LPAR1: variants seen among roughly 807,000 people sequenced by gnomAD.
LPAR1 encodes the protein lysophosphatidic acid receptor 1.
A neutral mutation model predicts 23.8 loss-of-function variants in LPAR1; 5 were observed. The ratio of observed to expected loss-of-function variants is 0.21; its 90% confidence interval spans 0.11 to 0.44. LPAR1 has a LOEUF of 0.44. Among genes scored for constraint, LPAR1 ranks in the 20% least tolerant of loss-of-function variants. LPAR1 has a pLI of 0.99. For missense variants in LPAR1, 311 were observed against 482.8 expected (o/e 0.64, Z 3.33); for synonymous variants, 160 against 164.7 (o/e 0.97, Z 0.22).
At chr9:110,882,407 G>C (rs968338131) in intron 5 of LPAR1, among the ~76,000 whole-genome samples, 1 of 152,118 alleles carries the variant, frequency 6.6e-6, no homozygotes, top group Non-Finnish European at 1.5e-5. Context: ...TTAATAAGTA[G>C]AAATGTCATT....
At chr9:110,939,453 A>C (rs2094945368) in intron 5 of LPAR1, among the ~76,000 whole-genome samples, 1 of 152,208 alleles carries the variant, frequency 6.6e-6, no homozygotes, top group South Asian at 2.1e-4. Flanking sequence ...AGCTTTAAAA[A>C]TCATGCTCTT....
intron 5 of LPAR1, among the ~76,000 whole-genome samples, chr9:110,880,143 G>A (rs2080326029): frequency 6.6e-6 from 1 of 152,154 alleles, no homozygotes; most frequent in African/African-American, 2.4e-5. Flanking sequence ...AACATGGGGT[G>A]GAGGATATTC....
intron 5 of LPAR1, among the ~76,000 whole-genome samples, chr9:110,892,822 AAGGAAGGCAGGCAGGC>A (rs2084856256): frequency 1.0e-4 from 9 of 86,248 alleles, no homozygotes; most frequent in Non-Finnish European, 1.3e-4. Context: ...GGAAGGAAGG[AAGGAAGGCAGGCAGGC>A]AGGCAGGCAG....
rs556172381 is a variant in LPAR1, at chr9:110,911,284, C to T, written c.793+30137G>A. Among the ~76,000 whole-genome samples the T allele has an allele frequency of 7.9e-5, 12 of 152,236 alleles. 1 individual carries two copies. The South Asian group carries it at 1.2e-3, about 16-fold the overall frequency. On this transcript the variant is annotated intron_variant, in intron 5 of 5. Transcript: ENST00000683809. ...GACCTGTGCAGGGCATGGTGGTGCA[C>T]GCCTATAATCCCAGCACTTTGAGAG...
At chr9:111,028,416 G>T (rs1006192604) in intron 2 of LPAR1, among the ~76,000 whole-genome samples, 19 of 152,090 alleles carry the variant, frequency 1.2e-4, no homozygotes, top group Non-Finnish European at 2.6e-4. Flanking sequence ...AACTACACAT[G>T]AATCCCTGTA....
At chr9:110,992,005 TTTTC>T (rs1459684136) in intron 2 of LPAR1, among the ~76,000 whole-genome samples, 1 of 151,760 alleles carries the variant, frequency 6.6e-6, no homozygotes, top group Non-Finnish European at 1.5e-5. Context: ...TTGTTTTTTT[TTTTC>T]TTTAGTCAAA....
chr9:110,994,047 C>T (rs1422659957), intron 2 of LPAR1, among the ~76,000 whole-genome samples: 2 of 152,116 alleles, frequency 1.3e-5, no homozygotes, highest in Non-Finnish European at 2.9e-5. Context: ...AATAACTGTA[C>T]AGTAAATAAG....
At chr9:111,008,082 G>A (rs879456553) in intron 2 of LPAR1, among the ~76,000 whole-genome samples, 1 of 151,980 alleles carries the variant, frequency 6.6e-6, no homozygotes, top group East Asian at 1.9e-4. Flanking sequence ...GCTAAGACAG[G>A]AGAATCACTT....
intron 5 of LPAR1, among the ~76,000 whole-genome samples, chr9:110,912,307 A>G (rs572469985): frequency 4.6e-4 from 70 of 152,318 alleles, no homozygotes; most frequent in African/African-American, 1.6e-3. Context: ...GTGAGCTTGA[A>G]CATTGCCAGG....
At chr9:111,032,182 T>A (rs2097807723) in intron 2 of LPAR1, among the ~76,000 whole-genome samples, 1 of 152,180 alleles carries the variant, frequency 6.6e-6, no homozygotes. Flanking sequence ...ATTTTCCAGA[T>A]GTAAAAAGAG....
intron 2 of LPAR1, among the ~76,000 whole-genome samples, chr9:110,992,897 A>G (rs1471722756): frequency 1.3e-5 from 2 of 152,314 alleles, no homozygotes; most frequent in Non-Finnish European, 2.9e-5. Flanking sequence ...GGATATGTTC[A>G]CCATCTTCAT....
At chr9:110,902,704 C>T (rs560676334) in intron 5 of LPAR1, among the ~76,000 whole-genome samples, 96 of 152,274 alleles carry the variant, frequency 6.3e-4, no homozygotes, top group African/African-American at 2.3e-3. Flanking sequence ...TGAGAAACAG[C>T]AGGTGGCTTG....
intron 2 of LPAR1, among the ~76,000 whole-genome samples, chr9:111,029,467 A>G: frequency 6.6e-6 from 1 of 151,856 alleles, no homozygotes. Flanking sequence ...CAAACCGTCA[A>G]TTTCAGGCAC....
At chr9:110,991,607 T>C (rs2096895913) in intron 2 of LPAR1, among the ~76,000 whole-genome samples, 1 of 151,976 alleles carries the variant, frequency 6.6e-6, no homozygotes, top group Admixed American at 6.6e-5. Flanking sequence ...GTTGTTGTTG[T>C]TGTTGTTGTT....
intron 2 of LPAR1, among the ~76,000 whole-genome samples, chr9:110,982,031 T>C (rs2096678331): frequency 6.6e-6 from 1 of 152,042 alleles, no homozygotes. Flanking sequence ...TTGGTAGGAG[T>C]GTAAATTAGT....
At chr9:111,019,673 TAA>T (rs1310419023) in intron 2 of LPAR1, among the ~76,000 whole-genome samples, 1 of 144,136 alleles carries the variant, frequency 6.9e-6, no homozygotes. Context: ...CCGTCTCTAC[TAA>T]AAAAAAAAAC....
chr9:111,025,863 G>A (rs1463660615), intron 2 of LPAR1, among the ~76,000 whole-genome samples: 1 of 152,104 alleles, frequency 6.6e-6, no homozygotes, highest in East Asian at 1.9e-4. Flanking sequence ...TTGTATATGT[G>A]TGGTATTATT....
intron 2 of LPAR1, among the ~76,000 whole-genome samples, chr9:111,013,758 C>T (rs910398992): frequency 1.3e-5 from 2 of 152,054 alleles, no homozygotes; most frequent in African/African-American, 4.8e-5. Flanking sequence ...CTGGAAGAAA[C>T]CTTAAAGGTT....
At chr9:110,936,929 G>A (rs903453210) in intron 5 of LPAR1, among the ~76,000 whole-genome samples, 3 of 152,246 alleles carry the variant, frequency 2.0e-5, no homozygotes, top group South Asian at 2.1e-4. Flanking sequence ...ACATCTTGAC[G>A]GCCACTCTGA....
Sources: allele counts gnomAD v4.1 joint callset (sites outside exome capture counted in the v4.1 genomes callset), GRCh38; gene constraint gnomAD v4.1.1; transcripts MANE v1.5; gene names NCBI Gene and HGNC (gene_info 2026-07-23, HGNC 2026-07-21).